WSCD1: variants seen among roughly 807,000 people sequenced by gnomAD.
WSCD1 encodes WSC domain sialate O sulfotransferase 1.
In WSCD1, 41 loss-of-function variants were observed where a neutral mutation model predicts 60.4. The observed-to-expected ratio is 0.68, with a 90% CI of 0.53 to 0.88. The LOEUF (loss-of-function observed/expected upper bound fraction) is 0.88. WSCD1 is among the 40% of genes least tolerant of loss of function. WSCD1 has a pLI of 0.00. For synonymous variants in WSCD1, 361 were observed against 332.5 expected, an observed-to-expected ratio of 1.09 and a Z score of -0.93; for missense variants, 784 against 796.2, an observed-to-expected ratio of 0.98 and a Z score of 0.18.
intron 5 of WSCD1, among the ~76,000 whole-genome samples, chr17:6,108,007 C>G (rs970981143): frequency 6.6e-6 from 1 of 152,008 alleles, no homozygotes; most frequent in Non-Finnish European, 1.5e-5. Context: ...CGAGGAGAGT[C>G]GGGAGAGGCT....
At position 6,121,596 on chromosome 17, in the gene WSCD1, G is replaced by A. The variant is rs1410535912; in HGVS notation, c.*935G>A. ...AAGAGGGCAGGAGCTGAAGTTCCAG[G>A]GGAGCCCAGGACCCCTGGGGACCTG... On this transcript the variant is annotated 3_prime_UTR_variant, in exon 9 of 9. Coordinates refer to ENST00000317744, the MANE Select transcript of WSCD1 (RefSeq NM_015253.2). The A allele has an allele frequency of 6.6e-6, 1 of 152,350 alleles. No individual in the cohort carries two copies. Among genetic ancestry groups the A allele is most frequent in the African/African-American group, 2.4e-5 (1 of 41,444 alleles). The allele number at this position is 152,350 out of a possible 1,614,324, so 9.4% of individuals were successfully genotyped here.
intron 4 of WSCD1, 53 bp from the exon 5 acceptor site, chr17:6,095,049 G>T: frequency 6.4e-7 from 1 of 1,566,394 alleles, no homozygotes; most frequent in Admixed American, 1.9e-5. Context: ...CTGGTGACAG[G>T]CACCAACAAC....
intron 4 of WSCD1, among the ~76,000 whole-genome samples, chr17:6,092,419 T>A (rs867528200): frequency 1.1e-4 from 16 of 152,068 alleles, no homozygotes; most frequent in African/African-American, 1.2e-4. Context: ...GGGGTCCAGA[T>A]GGGGCAATGG....
chr17:6,070,895 G>C (rs1321195290), intron 1 of WSCD1, among the ~76,000 whole-genome samples: 1 of 149,714 alleles, frequency 6.7e-6, no homozygotes, highest in African/African-American at 2.5e-5. Context: ...GCGGCGCTCG[G>C]CGCGGCCGGG....
rs868739756 is a variant in WSCD1 at position 6,070,605 on chromosome 17, C to A, written c.-336C>A. 1 of 148,668 alleles carries A rather than the reference C, an allele frequency of 6.7e-6. No homozygotes were observed. The highest frequency in any genetic ancestry group is 2.5e-5 in the African/African-American group (1 of 40,800). 9.2% of individuals were successfully genotyped at this position (148,668 alleles called of 1,614,324 possible). On this transcript the variant is annotated 5_prime_UTR_variant, in exon 1 of 9. Transcript: ENST00000317744. ...CTGCGGGCTCGGCGCCCGGGGAAGG[C>A]GGGCCATGGGCGCGGGTGCGGGCGC... is the stretch of plus-strand genomic sequence containing the variant.
intron 5 of WSCD1, among the ~76,000 whole-genome samples, chr17:6,096,650 C>G (rs1163000881): frequency 6.6e-6 from 1 of 152,240 alleles, no homozygotes; most frequent in Non-Finnish European, 1.5e-5. Context: ...TTGCGGACAT[C>G]TGGCCTGGGG....
chr17:6,077,123 T>G (rs899416171), intron 1 of WSCD1, among the ~76,000 whole-genome samples: 14 of 147,382 alleles, frequency 9.5e-5, no homozygotes, highest in African/African-American at 3.5e-4. Context: ...AGAGTCTTGC[T>G]CTGTCACCAG....
At chr17:6,117,490 G>A (rs1904357601) in intron 7 of WSCD1, among the ~76,000 whole-genome samples, 1 of 152,252 alleles carries the variant, frequency 6.6e-6, no homozygotes, top group Non-Finnish European at 1.5e-5. Flanking sequence ...GTCTCACAGA[G>A]ACACACGGTG....
In WSCD1 at chr17:6,110,775, T is replaced by A; in HGVS notation, c.1014T>A (p.Thr338=). Residue 338 remains threonine, a synonymous_variant, in exon 7 of 9, where the codon ACT becomes ACA. Coordinates refer to ENST00000317744, the MANE Select transcript of WSCD1 (RefSeq NM_015253.2). The surrounding 1 kb of genome is among the most constrained non-coding windows in gnomAD (Gnocchi z 4.8). ...TGATGACTTTTGGACTTTCAGACAC[T>A]CGTTGTACAGACAGGAGGTTCCTGC... ...CEVYQTPVQD[T]RCTDRRFLPN... The A allele has an allele frequency of 6.2e-7, 1 of 1,611,884 alleles. No individual in the cohort carries two copies.
chr17:6,083,165 A>T, intron 2 of WSCD1, among the ~76,000 whole-genome samples: 1 of 152,198 alleles, frequency 6.6e-6, no homozygotes, highest in South Asian at 2.1e-4. Context: ...ACTAAAGTAT[A>T]CTTGACCGGC....
intron 5 of WSCD1, among the ~76,000 whole-genome samples, chr17:6,103,206 C>G (rs1460198136): frequency 6.6e-6 from 1 of 152,180 alleles, no homozygotes; most frequent in East Asian, 1.9e-4. Flanking sequence ...GATTCAGTGA[C>G]TTTGTGGGCA....
chr17:6,071,380 G>C (rs979138558), intron 1 of WSCD1, among the ~76,000 whole-genome samples: 3 of 152,078 alleles, frequency 2.0e-5, no homozygotes, highest in Non-Finnish European at 4.4e-5. Context: ...TCTGCTGATC[G>C]GGAATGCGGG....
chr17:6,112,883 C>G (rs1327385730), intron 7 of WSCD1, among the ~76,000 whole-genome samples: 2 of 152,154 alleles, frequency 1.3e-5, no homozygotes, highest in East Asian at 1.9e-4. Context: ...AAGCAATCAA[C>G]AGATCCAATA....
rs2055434673 is a variant in WSCD1 at position 6,090,567 on chromosome 17, C to T, written c.727+62C>T. On this transcript the variant is annotated intron_variant, in intron 4 of 8. Transcript: ENST00000317744. ...TGTCCCACCCGCTCTGGCTGCCCAT[C>T]CCCCACAACCTCTCAATGAAACTAC... 9 of 1,569,822 alleles carry T rather than the reference C, an allele frequency of 5.7e-6. No homozygotes were observed. In the Admixed American group the frequency reaches 5.9e-5, roughly 10 times the overall value.
chr17:6,076,659 G>C (rs1908881965), intron 1 of WSCD1, among the ~76,000 whole-genome samples: 1 of 152,240 alleles, frequency 6.6e-6, no homozygotes, highest in African/African-American at 2.4e-5. Context: ...CCTGCCCTGT[G>C]CAATGCTTTG....
chr17:6,095,476 T>C (rs1910363834), intron 5 of WSCD1, among the ~76,000 whole-genome samples: 1 of 152,242 alleles, frequency 6.6e-6, no homozygotes, highest in African/African-American at 2.4e-5. Context: ...GGAGAGTGCC[T>C]TTCTGGATGC....
intron 4 of WSCD1, among the ~76,000 whole-genome samples, chr17:6,091,901 A>G (rs541348376): frequency 6.6e-6 from 1 of 152,302 alleles, no homozygotes; most frequent in East Asian, 1.9e-4. Context: ...TCACGCCTGT[A>G]ATCCCAGCAC....
At chr17:6,072,156 C>T (rs990732168) in intron 1 of WSCD1, among the ~76,000 whole-genome samples, 2 of 152,252 alleles carry the variant, frequency 1.3e-5, no homozygotes, top group African/African-American at 4.8e-5. Flanking sequence ...CTATGGGGTA[C>T]TGCCCTGTGG....
intron 4 of WSCD1, among the ~76,000 whole-genome samples, chr17:6,090,960 G>C (rs1022217124): frequency 6.6e-6 from 1 of 151,824 alleles, no homozygotes; most frequent in South Asian, 2.1e-4. Flanking sequence ...GCCCAATCTC[G>C]GCTCACTGCA....
Sources: gnomAD v4.1 joint callset for allele counts (sites outside exome capture counted in the v4.1 genomes callset) on GRCh38, gnomAD v4.1.1 for gene constraint, Gnocchi (gnomAD v3.1) non-coding constraint, MANE v1.5 for transcripts, NCBI Gene and HGNC (gene_info 2026-07-23, HGNC 2026-07-21) for gene names.